Variants in RIC8B observed in about 807,000 individuals in gnomAD.
RIC8B encodes the protein RIC8 guanine nucleotide exchange factor B, also known as chaperone Ric-8B.
RIC8B carries 16 observed loss-of-function variants against 57.5 expected under a neutral mutation model. The observed-to-expected ratio is 0.28, with a 90% CI of 0.19 to 0.42. The LOEUF (loss-of-function observed/expected upper bound fraction) is 0.42, where lower values mean the gene tolerates loss of function less well. Ranked by LOEUF, RIC8B falls within the 10% of genes least tolerant of loss-of-function variation. The probability of loss-of-function intolerance (pLI) is 1.00; values close to 1 mark genes in which losing one functional copy is unlikely to be tolerated. For synonymous variants in RIC8B, 216 were observed against 250.8 expected (o/e 0.86, Z 1.31); for missense variants, 481 against 677.0 (o/e 0.71, Z 3.21).
intron 4 of RIC8B, among the ~76,000 whole-genome samples, chr12:106,833,473 T>A (rs1327677377): frequency 6.6e-6 from 1 of 152,018 alleles, no homozygotes; most frequent in Non-Finnish European, 1.5e-5. Flanking sequence ...TGATGACGCA[T>A]GCCTGTAATC....
At chr12:106,809,448 C>G (rs1210756596) in intron 2 of RIC8B, among the ~76,000 whole-genome samples, 2 of 149,082 alleles carry the variant, frequency 1.3e-5, no homozygotes, top group African/African-American at 5.0e-5. Context: ...ACTTGAACTC[C>G]GAAGGCGGAG....
rs139875322 is a variant in RIC8B, at chr12:106,842,770, G to A, written c.1018G>A (p.Glu340Lys). Residue 340 changes from glutamate to lysine, a missense_variant, in exon 5 of 10, where the codon GAG becomes AAG. This residue lies in a region of RIC8B where 421 missense variants were observed against 560.9 expected (regional missense o/e 0.75). Transcript: ENST00000392837. The stretch of plus-strand genomic sequence containing the variant: ...CATGGTATACAATGGTATGAATATG[G>A]AGGCCATTCATGTTTTACTGAATTT... ...NTMVYNGMNMEAIHVLLNFME... is the reference protein window; with the variant it reads ...NTMVYNGMNMKAIHVLLNFME... 3 of 1,613,210 alleles carry A rather than the reference G, an allele frequency of 1.9e-6. No homozygotes were observed. The highest frequency in any genetic ancestry group is 1.3e-5 in the African/African-American group (1 of 74,894).
intron 7 of RIC8B, among the ~76,000 whole-genome samples, chr12:106,857,003 A>G (rs1243695303): frequency 1.3e-5 from 2 of 152,190 alleles, no homozygotes; most frequent in African/African-American, 4.8e-5. Context: ...CCTTGAATGT[A>G]TAGAAAAGAG....
intron 2 of RIC8B, among the ~76,000 whole-genome samples, chr12:106,799,806 C>G (rs2044647311): frequency 6.6e-6 from 1 of 152,150 alleles, no homozygotes; most frequent in Admixed American, 6.5e-5. Context: ...TAAAATCACA[C>G]AGCTATCTCA....
chr12:106,845,718 T>C (rs980612397), intron 6 of RIC8B, among the ~76,000 whole-genome samples: 2 of 152,192 alleles, frequency 1.3e-5, no homozygotes, highest in Non-Finnish European at 2.9e-5. Context: ...TATGCTCCTC[T>C]TTATGCAGTG....
chr12:106,774,881 C>A, intron 1 of RIC8B, 52 bp downstream of exon 1: 2 of 1,340,584 alleles, frequency 1.5e-6, no homozygotes, highest in Non-Finnish European at 2.1e-6. Context: ...GGCCGCCCTC[C>A]GTGCTTGCAC....
chr12:106,778,856 C>T (rs1448746201), intron 1 of RIC8B, among the ~76,000 whole-genome samples: 1 of 152,214 alleles, frequency 6.6e-6, no homozygotes, highest in Non-Finnish European at 1.5e-5. Flanking sequence ...ATACCAAAAT[C>T]TTCTAATGCT....
chr12:106,798,159 C>T, intron 2 of RIC8B: 1 of 549,098 alleles, frequency 1.8e-6, no homozygotes, highest in Non-Finnish European at 3.4e-6. Flanking sequence ...CTTTTTGATG[C>T]CTCGGATTCA....
chr12:106,795,218 A>C (rs1375841902), intron 2 of RIC8B, among the ~76,000 whole-genome samples: 1 of 152,190 alleles, frequency 6.6e-6, no homozygotes, highest in Non-Finnish European at 1.5e-5. Context: ...ATTTTTATAG[A>C]TGTATATAAC....
At chr12:106,808,119 C>G (rs1002778214) in intron 2 of RIC8B, among the ~76,000 whole-genome samples, 1 of 151,472 alleles carries the variant, frequency 6.6e-6, no homozygotes, top group African/African-American at 2.4e-5. Context: ...AAAAAACCTC[C>G]CAAAACAATG....
At chr12:106,855,327 A>G (rs972793884) in intron 7 of RIC8B, among the ~76,000 whole-genome samples, 1 of 152,132 alleles carries the variant, frequency 6.6e-6, no homozygotes, top group African/African-American at 2.4e-5. Flanking sequence ...GTGTTGCTCC[A>G]TCACTCATTA....
intron 2 of RIC8B, among the ~76,000 whole-genome samples, chr12:106,789,766 T>A (rs1266364643): frequency 6.6e-6 from 1 of 152,198 alleles, no homozygotes; most frequent in East Asian, 1.9e-4. Flanking sequence ...CCCCTCGTTC[T>A]CTTTCCTAAA....
rs1184931176 is a variant in RIC8B at position 106,867,158 on chromosome 12, A to G, written c.1452-3665A>G. Among the ~76,000 whole-genome samples, 1 of 152,200 alleles carries G rather than the reference A, an allele frequency of 6.6e-6. No individual in the cohort carries two copies. Among genetic ancestry groups the G allele is most frequent in the African/African-American group, 2.4e-5 (1 of 41,454 alleles). On this transcript the variant is annotated intron_variant, in intron 8 of 9. Coordinates refer to ENST00000392837, the MANE Select transcript of RIC8B (RefSeq NM_001330145.2). This position sits in a 1 kb window ranked among gnomAD's most constrained non-coding sequence, Gnocchi z 4.3. ...GCCAAAGGTAGCAAAAATTTGAAGAAAGAGCAAAAGACTTGAAATACAGTT... is the reference window on the plus strand; with the variant it reads ...GCCAAAGGTAGCAAAAATTTGAAGAGAGAGCAAAAGACTTGAAATACAGTT...
Position 106,774,794 on chromosome 12 carries a change from G to C in RIC8B, c.49G>C (p.Ala17Pro), listed in dbSNP as rs773848617. ...LYIVRAGEAG[A>P]IERVLRDYSD... ...CATCGTCCGGGCCGGCGAAGCAGGG[G>C]CTATCGAGCGGGTCCTGAGGGATTA... The change falls in exon 1 of 10, where the codon GCT (alanine) becomes CCT (proline). Residue 17 changes from alanine to proline, a missense_variant. By Grantham distance (27) the Ala-to-Pro change is conservative. Coordinates refer to ENST00000392837, the MANE Select transcript of RIC8B (RefSeq NM_001330145.2). 2.2e-5 allele frequency: 34 copies of C among 1,554,092 alleles called. No homozygotes were observed. The South Asian group carries it at 4.0e-4, about 18-fold the overall frequency.
chr12:106,847,824 C>T (rs1385418226), intron 6 of RIC8B, among the ~76,000 whole-genome samples: 1 of 152,142 alleles, frequency 6.6e-6, no homozygotes, highest in Admixed American at 6.5e-5. Context: ...TAATAGAAGG[C>T]ACTTAATAAA....
At chr12:106,839,559 C>CA (rs1360937392) in intron 4 of RIC8B, among the ~76,000 whole-genome samples, 6 of 152,084 alleles carry the variant, frequency 3.9e-5, no homozygotes, top group Non-Finnish European at 5.9e-5. Flanking sequence ...GGGGAGGTGT[C>CA]AGTCAAAAGA....
At chr12:106,776,659 C>G (rs2043509959) in intron 1 of RIC8B, among the ~76,000 whole-genome samples, 1 of 152,208 alleles carries the variant, frequency 6.6e-6, no homozygotes, top group African/African-American at 2.4e-5. Context: ...ACTTACCACT[C>G]CTGGCCAGGT....
At chr12:106,880,333 C>T (rs1950866026) in intron 9 of RIC8B, among the ~76,000 whole-genome samples, 1 of 152,132 alleles carries the variant, frequency 6.6e-6, no homozygotes, top group Non-Finnish European at 1.5e-5. Context: ...GTTTGAGTAT[C>T]TTTAAAAACC....
intron 8 of RIC8B, among the ~76,000 whole-genome samples, chr12:106,870,470 C>T (rs934040833): frequency 6.6e-5 from 10 of 151,852 alleles, no homozygotes; most frequent in Admixed American, 5.9e-4. Flanking sequence ...ATTTCTTCTT[C>T]CCTGAAATCA....
Sources: allele counts gnomAD v4.1 joint callset (sites outside exome capture counted in the v4.1 genomes callset), GRCh38; gene constraint gnomAD v4.1.1; regional missense constraint gnomAD v4.1.1; non-coding constraint Gnocchi (gnomAD v3.1); transcripts MANE v1.5; gene names NCBI Gene and HGNC (gene_info 2026-07-23, HGNC 2026-07-21).